Variants in ARID4B observed in about 807,000 individuals in gnomAD.
ARID4B encodes the protein AT-rich interactive domain-containing protein 4B.
Under a neutral mutation model 147.5 loss-of-function variants are expected in ARID4B, and 26 were observed. The observed-to-expected ratio is 0.18, with a 90% CI of 0.13 to 0.24. The LOEUF (loss-of-function observed/expected upper bound fraction) is 0.24, where lower values mean the gene tolerates loss of function less well. ARID4B is among the 10% of genes least tolerant of loss of function. ARID4B has a pLI of 1.00. For synonymous variants in ARID4B, 512 were observed against 507.9 expected (o/e 1.01, Z -0.11); for missense variants, 1,179 against 1,511.5 (o/e 0.78, Z 3.65).
chr1:235,296,246 T>C (rs74148469), intron 2 of ARID4B: 6,397 of 154,444 alleles, frequency 0.041, 494 homozygotes, highest in African/African-American at 0.15. Flanking sequence ...ATGGCCAATA[T>C]CAACACCCTG....
chr1:235,261,107 G>A (rs1670266864), intron 2 of ARID4B, among the ~76,000 whole-genome samples: 1 of 152,120 alleles, frequency 6.6e-6, no homozygotes, highest in Admixed American at 6.5e-5. Flanking sequence ...CCAGAAGGCA[G>A]ATCTTTAAAG....
At chr1:235,293,985 G>A (rs1672507994) in intron 2 of ARID4B, among the ~76,000 whole-genome samples, 1 of 152,002 alleles carries the variant, frequency 6.6e-6, no homozygotes, top group African/African-American at 2.4e-5. Flanking sequence ...TGGAGGGGGT[G>A]GACTACAAGG....
chr1:235,207,770 C>T (rs1666414461), intron 17 of ARID4B, among the ~76,000 whole-genome samples: 1 of 152,130 alleles, frequency 6.6e-6, no homozygotes, highest in Non-Finnish European at 1.5e-5. Flanking sequence ...AGGATTGAGC[C>T]TACTCATTTG....
At chr1:235,201,479 A>G (rs1213995951) in intron 17 of ARID4B, among the ~76,000 whole-genome samples, 1 of 151,972 alleles carries the variant, frequency 6.6e-6, no homozygotes, top group Non-Finnish European at 1.5e-5. Flanking sequence ...ATTCACCACC[A>G]CACCTGGATA....
Position 235,169,811 on chromosome 1 carries a change from G to A in ARID4B, c.3812-1159C>T, listed in dbSNP as rs181104367. Among the ~76,000 whole-genome samples, 51 of 151,914 alleles carry A rather than the reference G, an allele frequency of 3.4e-4. 1 individual carries two copies. In the East Asian group the frequency reaches 8.4e-3, roughly 25 times the overall value. On this transcript the variant is annotated intron_variant, in intron 23 of 23. Transcript: ENST00000264183. ...TGAGTATCTGGGATTACAGGCATGC[G>A]CCACCATGTCCGGCTAATGTTTCTA...
At chr1:235,283,842 C>T (rs1186373334) in intron 2 of ARID4B, among the ~76,000 whole-genome samples, 1 of 152,130 alleles carries the variant, frequency 6.6e-6, no homozygotes, top group Non-Finnish European at 1.5e-5. Context: ...TCAAGCGATT[C>T]TCATGCCTCA....
intron 2 of ARID4B, among the ~76,000 whole-genome samples, chr1:235,299,032 T>C (rs1295688839): frequency 6.6e-6 from 1 of 152,120 alleles, no homozygotes; most frequent in African/African-American, 2.4e-5. Flanking sequence ...GGCAAGAGGA[T>C]GGCTTGAACC....
chr1:235,211,930 A>C (rs2103004200), intron 17 of ARID4B, among the ~76,000 whole-genome samples: 1 of 152,296 alleles, frequency 6.6e-6, no homozygotes, highest in East Asian at 1.9e-4. Context: ...TATATTCATT[A>C]ATAGCCAGAC....
At chr1:235,310,618 G>C (rs1673980429) in intron 2 of ARID4B, among the ~76,000 whole-genome samples, 1 of 152,156 alleles carries the variant, frequency 6.6e-6, no homozygotes, top group Non-Finnish European at 1.5e-5. Context: ...TTCTGACTTT[G>C]AGCATATGCT....
At chr1:235,220,230 T>A in intron 15 of ARID4B, 72 bp downstream of exon 15, 1 of 1,354,094 alleles carries the variant, frequency 7.4e-7, no homozygotes, top group Non-Finnish European at 1.0e-6. Context: ...AATATATTGA[T>A]TTTGGAACTT....
chr1:235,303,422 T>G (rs1217844786), intron 2 of ARID4B, among the ~76,000 whole-genome samples: 2 of 151,242 alleles, frequency 1.3e-5, no homozygotes, highest in Non-Finnish European at 2.9e-5. Flanking sequence ...CTACACAACT[T>G]GACTCCAAGA....
intron 16 of ARID4B, among the ~76,000 whole-genome samples, chr1:235,217,285 A>T (rs560554622): frequency 6.6e-6 from 1 of 152,316 alleles, no homozygotes; most frequent in African/African-American, 2.4e-5. Flanking sequence ...TTCAGTGGCA[A>T]ATTCAAGACT....
At chr1:235,175,790 T>C (rs1663827541) in intron 21 of ARID4B, 1 of 175,024 alleles carries the variant, frequency 5.7e-6, no homozygotes, top group Non-Finnish European at 1.2e-5. Flanking sequence ...AACATTTTCC[T>C]GCTCCTTTGG....
At chr1:235,215,579 GTA>G (rs1210330577) in intron 16 of ARID4B, among the ~76,000 whole-genome samples, 5,615 of 144,488 alleles carry the variant, frequency 0.039, 363 homozygotes, top group African/African-American at 0.13. Flanking sequence ...GTGTGTGTGT[GTA>G]TATATTTTTC....
In ARID4B at chr1:235,270,049, C is replaced by T. The variant is rs554838626; in HGVS notation, c.7-9297G>A. 1.8e-4 allele frequency among the ~76,000 whole-genome samples: 27 copies of T among 151,984 alleles called. No homozygotes were observed. In the South Asian group the frequency reaches 5.6e-3, roughly 32 times the overall value. On this transcript the variant is annotated intron_variant, in intron 2 of 23. Coordinates refer to ENST00000264183, the MANE Select transcript of ARID4B (RefSeq NM_016374.6). ...CTGTAATCCAAGCATTTTGGGAGGC[C>T]GAGGCGGACAGATCACAAGGTCAGG... is the stretch of plus-strand genomic sequence containing the variant.
intron 17 of ARID4B, among the ~76,000 whole-genome samples, chr1:235,206,388 CT>C (rs1240061844): frequency 2.0e-5 from 3 of 152,014 alleles, no homozygotes; most frequent in Admixed American, 6.5e-5. Context: ...GATCAAATTC[CT>C]TTGGCTCGGA....
At chr1:235,208,512 A>AT (rs1666477854) in intron 17 of ARID4B, among the ~76,000 whole-genome samples, 2 of 150,528 alleles carry the variant, frequency 1.3e-5, no homozygotes, top group South Asian at 2.1e-4. Context: ...TTTTTTTTCT[A>AT]TTTTTTTGAG....
chr1:235,282,537 G>A (rs181146589), intron 2 of ARID4B, among the ~76,000 whole-genome samples: 53 of 152,202 alleles, frequency 3.5e-4, no homozygotes, highest in Middle Eastern at 6.8e-3. Context: ...TATAAATATG[G>A]AAAATTTTAA....
At chr1:235,189,995 G>T (rs904381224) in intron 19 of ARID4B, 2 of 154,376 alleles carry the variant, frequency 1.3e-5, no homozygotes, top group African/African-American at 4.8e-5. Context: ...TTGCTAGAAT[G>T]AAAGAGTCTA....
Sources: gnomAD v4.1 joint callset for allele counts (sites outside exome capture counted in the v4.1 genomes callset) on GRCh38, gnomAD v4.1.1 for gene constraint, MANE v1.5 for transcripts, NCBI Gene and HGNC (gene_info 2026-07-23, HGNC 2026-07-21) for gene names.